The following CAMK2D variants were observed in gnomAD, a reference collection of about 807,000 sequenced individuals.
CAMK2D encodes the protein calcium/calmodulin dependent protein kinase II delta.
Under a neutral mutation model 84.0 loss-of-function variants are expected in CAMK2D, and 37 were observed. The observed-to-expected ratio is 0.44, with a 90% CI of 0.34 to 0.58. The LOEUF is 0.58. CAMK2D is among the 20% of genes least tolerant of loss of function. CAMK2D has a pLI of 0.02. For missense variants in CAMK2D, 448 were observed against 652.5 expected (o/e 0.69, Z 3.41); for synonymous variants, 202 against 212.5 (o/e 0.95, Z 0.43).
intron 16 of CAMK2D, among the ~76,000 whole-genome samples, chr4:113,497,234 G>A (rs1217252427): frequency 3.9e-5 from 6 of 152,016 alleles, no homozygotes; most frequent in Non-Finnish European, 8.8e-5. Flanking sequence ...TTCATATAAA[G>A]GGTAGGAAAC....
chr4:113,486,987 C>T (rs1443359357), intron 16 of CAMK2D, among the ~76,000 whole-genome samples: 2 of 152,198 alleles, frequency 1.3e-5, no homozygotes, highest in Non-Finnish European at 1.5e-5. Context: ...CTATACATTA[C>T]AGGTGTTCAT....
At chr4:113,625,847 C>T (rs907333506) in intron 3 of CAMK2D, among the ~76,000 whole-genome samples, 1 of 151,762 alleles carries the variant, frequency 6.6e-6, no homozygotes, top group Non-Finnish European at 1.5e-5. Flanking sequence ...TGTAAGGAAG[C>T]AAAGGTAGAA....
At chr4:113,688,910 C>CAAAAAAAAAAAAAAAAAAAAAAAAGA (rs34196728) in intron 2 of CAMK2D, among the ~76,000 whole-genome samples, 21 of 49,702 alleles carry the variant, frequency 4.2e-4, no homozygotes, top group East Asian at 6.5e-4. Flanking sequence ...AAAGAAGATG[C>CAAAAAAAAAAAAAAAAAAAAAAAAGA]AAAAAAAAAA....
intron 6 of CAMK2D, among the ~76,000 whole-genome samples, chr4:113,543,000 C>A (rs755690381): frequency 6.6e-6 from 1 of 152,160 alleles, no homozygotes; most frequent in East Asian, 1.9e-4. Context: ...TAATTTGTTG[C>A]TAAAAGATTC....
intron 17 of CAMK2D, 125 bp from the exon 18 acceptor site, chr4:113,460,366 A>G (rs1323323204): frequency 8.7e-6 from 6 of 689,340 alleles, no homozygotes; most frequent in East Asian, 5.3e-5. Flanking sequence ...ACTTACATAC[A>G]AAAGTTCTAT....
Position 113,470,371 on chromosome 4 carries a change from C to T in CAMK2D, c.1136-4767G>A, listed in dbSNP as rs752387213. Among the ~76,000 whole-genome samples the T allele has an allele frequency of 3.9e-5, 6 of 152,164 alleles. No homozygotes were observed. In the East Asian group the frequency reaches 9.6e-4, roughly 24 times the overall value. On this transcript the variant is annotated intron_variant, in intron 16 of 20. Transcript: ENST00000511664. Reference sequence around the variant, plus strand: ...TCAAAAATGCCTTCCCTGGGCCAGGCGCGGTGGCTCATGCCTGTAATCTCA... The same window carrying T: ...TCAAAAATGCCTTCCCTGGGCCAGGTGCGGTGGCTCATGCCTGTAATCTCA...
intron 4 of CAMK2D, among the ~76,000 whole-genome samples, chr4:113,583,765 T>G (rs989552539): frequency 6.6e-6 from 1 of 152,220 alleles, no homozygotes; most frequent in Non-Finnish European, 1.5e-5. Context: ...TATTTAATTC[T>G]TTCATATTAC....
At chr4:113,530,774 C>G (rs2098452801) in intron 8 of CAMK2D, among the ~76,000 whole-genome samples, 1 of 152,180 alleles carries the variant, frequency 6.6e-6, no homozygotes. Context: ...ATTTCCCAGC[C>G]TTCACAACTG....
chr4:113,528,275 CCT>C (rs1455284663), intron 8 of CAMK2D, among the ~76,000 whole-genome samples: 1 of 152,076 alleles, frequency 6.6e-6, no homozygotes, highest in African/African-American at 2.4e-5. Flanking sequence ...TTTAAAAAAT[CCT>C]CTCTGCAGTC....
At chr4:113,516,221 G>T (rs1427477134) in intron 9 of CAMK2D, among the ~76,000 whole-genome samples, 2 of 152,106 alleles carry the variant, frequency 1.3e-5, no homozygotes, top group African/African-American at 4.8e-5. Flanking sequence ...TGTAATTTTT[G>T]CCAGCTAAAC....
At chr4:113,506,709 T>C (rs1292568200) in intron 13 of CAMK2D, among the ~76,000 whole-genome samples, 2 of 152,206 alleles carry the variant, frequency 1.3e-5, no homozygotes, top group African/African-American at 4.8e-5. Flanking sequence ...TTTAATATGC[T>C]ATATTTAGTT....
At chr4:113,488,184 A>G (rs2097784458) in intron 16 of CAMK2D, among the ~76,000 whole-genome samples, 4 of 152,142 alleles carry the variant, frequency 2.6e-5, no homozygotes, top group Admixed American at 6.5e-5. Context: ...TTGTTAGGTA[A>G]TGGGAAAAAA....
Position 113,586,717 on chromosome 4 carries a change from A to G in CAMK2D, c.275+22435T>C, listed in dbSNP as rs754004377. ...AACCTAGGCTTTATCTCTTTATTTA[A>G]GAAACAAACCCACTCCAGTACTACT... On this transcript the variant is annotated intron_variant, in intron 4 of 20. Transcript: ENST00000511664. Among the ~76,000 whole-genome samples, 141 of 152,168 alleles carry G rather than the reference A, an allele frequency of 9.3e-4. 3 individuals carry two copies. The highest frequency in any genetic ancestry group is 2.6e-4 in the Non-Finnish European group (18 of 68,030).
chr4:113,584,054 A>C (rs905699287), intron 4 of CAMK2D, among the ~76,000 whole-genome samples: 3 of 152,248 alleles, frequency 2.0e-5, no homozygotes, highest in African/African-American at 7.2e-5. Flanking sequence ...AAACCCCAAC[A>C]TAATATAAGA....
intron 14 of CAMK2D, chr4:113,503,281 T>A (rs755904045): frequency 3.3e-6 from 2 of 608,536 alleles, no homozygotes; most frequent in Non-Finnish European, 6.3e-6. Flanking sequence ...CACTTAATCC[T>A]ATGCTTTCCT....
intron 6 of CAMK2D, among the ~76,000 whole-genome samples, chr4:113,538,936 C>A (rs2098511671): frequency 6.6e-6 from 1 of 152,036 alleles, no homozygotes; most frequent in South Asian, 2.1e-4. Flanking sequence ...TTTTGTGGGG[C>A]TGATAGGGAT....
At chr4:113,740,241 G>T (rs1593938543) in intron 2 of CAMK2D, among the ~76,000 whole-genome samples, 1 of 151,992 alleles carries the variant, frequency 6.6e-6, no homozygotes, top group Non-Finnish European at 1.5e-5. Flanking sequence ...ATGGACAAAA[G>T]GTAGAAACAA....
chr4:113,598,103 T>C (rs755774079), intron 4 of CAMK2D, among the ~76,000 whole-genome samples: 1 of 152,150 alleles, frequency 6.6e-6, no homozygotes, highest in Admixed American at 6.5e-5. Context: ...AGAACAAAGA[T>C]AGAAGACTGA....
chr4:113,701,228 G>C (rs981438946), intron 2 of CAMK2D, among the ~76,000 whole-genome samples: 4 of 152,128 alleles, frequency 2.6e-5, no homozygotes, highest in African/African-American at 9.7e-5. Context: ...TTCAAACGTA[G>C]ACACTGTGGG....
Sources: gnomAD v4.1 joint callset for allele counts (sites outside exome capture counted in the v4.1 genomes callset) on GRCh38, gnomAD v4.1.1 for gene constraint, MANE v1.5 for transcripts, NCBI Gene and HGNC (gene_info 2026-07-23, HGNC 2026-07-21) for gene names.